Variants in SMAD3 observed in about 807,000 individuals in gnomAD.
The protein encoded by SMAD3 is SMAD family member 3.
A neutral mutation model predicts 51.8 loss-of-function variants in SMAD3; 12 were observed. That is an observed-to-expected ratio of 0.23 (90% CI 0.15 to 0.38). SMAD3 has a LOEUF of 0.38. SMAD3 is among the 10% of genes least tolerant of loss of function. The pLI is 1.00. For missense variants in SMAD3, 294 were observed against 565.6 expected (o/e 0.52, Z 4.87); for synonymous variants, 238 against 227.7 (o/e 1.05, Z -0.41).
chr15:67,090,376 T>G (rs1038857019), intron 1 of SMAD3, among the ~76,000 whole-genome samples: 1 of 152,112 alleles, frequency 6.6e-6, no homozygotes, highest in Non-Finnish European at 1.5e-5. Flanking sequence ...CTTCAGAGGC[T>G]GTGAAAGAGT....
rs1026168055 is a variant in SMAD3 at position 67,133,243 on chromosome 15, G to A, written c.207-31652G>A. On this transcript the variant is annotated intron_variant, in intron 1 of 8. Transcript: ENST00000327367. ...CATTGGCTGAACTGCTGGTGAACACGGGAAAAGCCCTTCTGGACCTCTTAT... is the reference window on the plus strand; with the variant it reads ...CATTGGCTGAACTGCTGGTGAACACAGGAAAAGCCCTTCTGGACCTCTTAT... 2.7e-4 allele frequency among the ~76,000 whole-genome samples: 41 copies of A among 152,202 alleles called. 1 individual carries two copies. The East Asian group carries it at 5.0e-3, about 19-fold the overall frequency.
At chr15:67,100,856 C>T (rs947569869) in intron 1 of SMAD3, among the ~76,000 whole-genome samples, 2 of 152,162 alleles carry the variant, frequency 1.3e-5, no homozygotes, top group Non-Finnish European at 2.9e-5. Flanking sequence ...CACAGAGCAG[C>T]GTACCAGAGT....
chr15:67,097,603 G>A (rs1476690783), intron 1 of SMAD3, among the ~76,000 whole-genome samples: 2 of 152,112 alleles, frequency 1.3e-5, no homozygotes, highest in African/African-American at 2.4e-5. Flanking sequence ...GCCTCCTGGA[G>A]CCTTGGTTTA....
rs35874463 is a variant in SMAD3, at chr15:67,165,360, A to G, written c.508A>G (p.Ile170Val). ...IPENTNFPAG[I>V]EPQSNIPETP... ...CGAAAACACTAACTTCCCCGCAGGC[A>G]TCGAGCCCCAGAGCAATATTCCAGG... Residue 170 changes from isoleucine (I) to valine (V), a missense_variant, in exon 3 of 9, where the codon ATC (isoleucine) becomes GTC (valine). Coordinates refer to ENST00000327367, the MANE Select transcript of SMAD3 (RefSeq NM_005902.4). The G allele has an allele frequency of 0.049, 79,206 of 1,614,100 alleles. 2,257 individuals carry two copies. Among genetic ancestry groups the G allele is most frequent in the Non-Finnish European group, 0.055 (65,443 of 1,179,974 alleles).
intron 3 of SMAD3, 134 bp from the exon 4 acceptor site, chr15:67,166,645 C>G: frequency 1.4e-6 from 1 of 718,364 alleles, no homozygotes; most frequent in Non-Finnish European, 2.6e-6. Context: ...GCTGGAACCT[C>G]TACTCCAAGA....
At chr15:67,127,346 G>A (rs897572291) in intron 1 of SMAD3, among the ~76,000 whole-genome samples, 5 of 152,186 alleles carry the variant, frequency 3.3e-5, no homozygotes, top group African/African-American at 9.7e-5. Context: ...TAAGTGACAG[G>A]CTTGACACAG....
chr15:67,134,328 G>C (rs1463690655), intron 1 of SMAD3, among the ~76,000 whole-genome samples: 1 of 152,152 alleles, frequency 6.6e-6, no homozygotes, highest in Non-Finnish European at 1.5e-5. Flanking sequence ...GCTCTTCTGC[G>C]ATTCCCTAAG....
At chr15:67,100,603 AAT>A (rs1960732397) in intron 1 of SMAD3, among the ~76,000 whole-genome samples, 2 of 152,076 alleles carry the variant, frequency 1.3e-5, no homozygotes, top group Non-Finnish European at 2.9e-5. Context: ...TATTGTGATA[AAT>A]ATATCAATAT....
At chr15:67,175,316 G>C (rs1310291551) in intron 5 of SMAD3, among the ~76,000 whole-genome samples, 1 of 152,232 alleles carries the variant, frequency 6.6e-6, no homozygotes, top group East Asian at 1.9e-4. Context: ...TGGCAGGAGT[G>C]AGAGGCAGGG....
intron 1 of SMAD3, among the ~76,000 whole-genome samples, chr15:67,127,149 C>T (rs1244030465): frequency 1.3e-5 from 2 of 152,154 alleles, no homozygotes; most frequent in Admixed American, 6.5e-5. Context: ...GCCCAGACAC[C>T]GGCATAAACC....
chr15:67,141,806 A>T (rs962447868), intron 1 of SMAD3, among the ~76,000 whole-genome samples: 3 of 152,138 alleles, frequency 2.0e-5, no homozygotes, highest in African/African-American at 7.2e-5. Context: ...GCTCTGGTTC[A>T]TGGCTTACCT....
chr15:67,116,498 G>A (rs753519608), intron 1 of SMAD3, among the ~76,000 whole-genome samples: 2 of 152,322 alleles, frequency 1.3e-5, no homozygotes, highest in Non-Finnish European at 2.9e-5. Context: ...GTGTGTGGAC[G>A]TTGTCTCAAT....
intron 1 of SMAD3, among the ~76,000 whole-genome samples, chr15:67,070,395 C>T (rs1423892768): frequency 1.3e-5 from 2 of 152,210 alleles, no homozygotes; most frequent in East Asian, 3.9e-4. Context: ...ACATTTAGAA[C>T]CTTGGAACAT....
chr15:67,180,746 T>G (rs1307817885), intron 5 of SMAD3, among the ~76,000 whole-genome samples: 1 of 151,976 alleles, frequency 6.6e-6, no homozygotes, highest in Non-Finnish European at 1.5e-5. Flanking sequence ...GAAAGCCCTT[T>G]TAGGGGCAGG....
chr15:67,083,085 C>G (rs893925606), intron 1 of SMAD3, among the ~76,000 whole-genome samples: 2 of 152,194 alleles, frequency 1.3e-5, no homozygotes, highest in African/African-American at 2.4e-5. Flanking sequence ...CAGCTACTTT[C>G]CTGGAAAATT....
Position 67,194,862 on chromosome 15 carries a change from T to C in SMAD3, c.*4326T>C, listed in dbSNP as rs910643643. ...CATTACAGAGAGATGGAGCCATCTATCCAAGAAGCCTTCACTCACCTTCAC... is the reference window on the plus strand; with the variant it reads ...CATTACAGAGAGATGGAGCCATCTACCCAAGAAGCCTTCACTCACCTTCAC... On this transcript the variant is annotated 3_prime_UTR_variant, in exon 9 of 9. Coordinates refer to ENST00000327367, the MANE Select transcript of SMAD3 (RefSeq NM_005902.4). 1 of 233,370 alleles carries C rather than the reference T, an allele frequency of 4.3e-6. No individual in the cohort carries two copies. Among genetic ancestry groups the C allele is most frequent in the East Asian group, 6.0e-5 (1 of 16,678 alleles). The allele number at this position is 233,370 out of a possible 1,614,324, so 14.5% of individuals were successfully genotyped here. A position where few individuals can be genotyped will look rare whatever the true frequency, so the allele number is the denominator to read the frequency against.
chr15:67,158,313 G>A (rs183908382), intron 1 of SMAD3, among the ~76,000 whole-genome samples: 334 of 152,328 alleles, frequency 2.2e-3, no homozygotes, highest in Non-Finnish European at 3.6e-3. Context: ...CATATTTTGA[G>A]TGGGGCAGAG....
At chr15:67,183,000 A>AATATATATATATAT (rs1555413788) in intron 6 of SMAD3, among the ~76,000 whole-genome samples, 2 of 43,646 alleles carry the variant, frequency 4.6e-5, no homozygotes, top group East Asian at 5.5e-4. Context: ...AAAAAAAAAA[A>AATATATATATATAT]ATATATATAT....
intron 1 of SMAD3, among the ~76,000 whole-genome samples, chr15:67,140,165 C>T (rs1276329220): frequency 6.6e-6 from 1 of 151,524 alleles, no homozygotes; most frequent in Admixed American, 6.6e-5. Context: ...TTGCTGGAAG[C>T]TGTGCTTGAT....
Sources: allele counts gnomAD v4.1 joint callset (sites outside exome capture counted in the v4.1 genomes callset), GRCh38; gene constraint gnomAD v4.1.1; transcripts MANE v1.5; gene names NCBI Gene and HGNC (gene_info 2026-07-23, HGNC 2026-07-21).